CASK: variants seen among roughly 807,000 people sequenced by gnomAD.
CASK encodes calcium/calmodulin dependent serine protein kinase, also known as peripheral plasma membrane protein CASK.
CASK carries 4 observed loss-of-function variants against 82.9 expected under a neutral mutation model. The observed-to-expected ratio is 0.05, with a 90% confidence interval of 0.02 to 0.11. CASK has a LOEUF of 0.11. Ranked by LOEUF, CASK falls within the 10% of genes least tolerant of loss-of-function variation. The pLI, the probability that CASK is intolerant of heterozygous loss-of-function variation, is 1.00. For synonymous variants in CASK, 259 were observed against 253.5 expected (o/e 1.02, Z -0.20); for missense variants, 358 against 720.9 (o/e 0.50, Z 5.76).
Position 41,615,630 on chromosome X carries a change from G to GT in CASK, c.1034-5606dup, listed in dbSNP as rs1380106002. ...AGTTATCTTACTGAAATCTTACTGA[G>GT]TTTTTTTTTTCTTTTTTTTTGAGAC... On this transcript the variant is annotated intron_variant, in intron 11 of 26. Transcript: ENST00000378163. 4.9e-4 allele frequency among the ~76,000 whole-genome samples: 52 copies of GT among 106,922 alleles called. 2 individuals are homozygous for GT. The highest frequency in any genetic ancestry group is 2.6e-3 in the Admixed American group (26 of 9,958). The allele number at this position is 106,922 out of a possible 115,157, so 92.8% of individuals were successfully genotyped here.
At chrX:41,599,940 A>C (rs966946840) in intron 12 of CASK, among the ~76,000 whole-genome samples, 3 of 112,179 alleles carry the variant, frequency 2.7e-5, no homozygotes, top group Non-Finnish European at 3.8e-5. Flanking sequence ...TTAGTATCAG[A>C]TACAAGAGCT....
chrX:41,689,409 T>A (rs948920473), intron 5 of CASK, among the ~76,000 whole-genome samples: 7 of 112,154 alleles, frequency 6.2e-5, no homozygotes, highest in African/African-American at 2.3e-4. Context: ...TAAAAGTTAT[T>A]TTCATATGCA....
intron 5 of CASK, among the ~76,000 whole-genome samples, chrX:41,713,406 T>C (rs986999863): frequency 8.9e-6 from 1 of 112,128 alleles, no homozygotes; most frequent in Non-Finnish European, 1.9e-5. Flanking sequence ...ACTGGACCTG[T>C]TTACCCTGAG....
At chrX:41,772,032 T>G (rs1032196144) in intron 3 of CASK, among the ~76,000 whole-genome samples, 6 of 111,275 alleles carry the variant, frequency 5.4e-5, no homozygotes, top group African/African-American at 2.0e-4. Context: ...TAGAAATTAC[T>G]AAAATAGAAA....
intron 12 of CASK, among the ~76,000 whole-genome samples, chrX:41,604,381 TAC>T (rs2065932129): frequency 9.9e-6 from 1 of 101,255 alleles, no homozygotes; most frequent in Non-Finnish European, 2.0e-5. Flanking sequence ...GCCATGTAAA[TAC>T]ACAGACACAC....
intron 24 of CASK, 56 bp from the exon 25 acceptor site, chrX:41,531,265 A>G (rs2064799719): frequency 1.1e-6 from 1 of 912,854 alleles, no homozygotes; most frequent in African/African-American, 1.9e-5. Flanking sequence ...AGCTTACTAC[A>G]CTCCCAACAG....
chrX:41,696,244 GTTTCCA>G (rs1448790974), intron 5 of CASK: 1 of 1,207,096 alleles, frequency 8.3e-7, no homozygotes, highest in Non-Finnish European at 1.1e-6. Flanking sequence ...TCCACAATGT[GTTTCCA>G]TTACAGAGAT....
chrX:41,727,965 T>A, intron 5 of CASK: 1 of 1,169,885 alleles, frequency 8.5e-7, no homozygotes, highest in Non-Finnish European at 1.2e-6. Flanking sequence ...TTTTATTAGA[T>A]AAAACATTCA....
chrX:41,802,422 C>T (rs765942968), intron 2 of CASK, among the ~76,000 whole-genome samples: 1 of 111,019 alleles, frequency 9.0e-6, no homozygotes, highest in African/African-American at 3.3e-5. Context: ...CCTTATAAGC[C>T]CTTATGTTAT....
intron 5 of CASK, among the ~76,000 whole-genome samples, chrX:41,702,887 T>C (rs934249989): frequency 1.8e-5 from 2 of 112,144 alleles, no homozygotes; most frequent in Admixed American, 9.4e-5. Flanking sequence ...CTCTGAAACA[T>C]GTACGATAAT....
At chrX:41,880,332 T>G (rs1018831243) in intron 1 of CASK, among the ~76,000 whole-genome samples, 1 of 111,544 alleles carries the variant, frequency 9.0e-6, no homozygotes, top group Non-Finnish European at 1.9e-5. Flanking sequence ...TACTTATAAT[T>G]TATATACTCT....
chrX:41,846,183 C>T (rs1348449589), intron 2 of CASK, among the ~76,000 whole-genome samples: 3 of 111,385 alleles, frequency 2.7e-5, no homozygotes, highest in African/African-American at 9.8e-5. Context: ...AAGTGTCCAT[C>T]AACAGATGAA....
At chrX:41,705,063 G>A (rs920442683) in intron 5 of CASK, among the ~76,000 whole-genome samples, 3 of 112,357 alleles carry the variant, frequency 2.7e-5, no homozygotes, top group African/African-American at 9.7e-5. Context: ...GATACATAGT[G>A]GAAGTTGATC....
intron 1 of CASK, among the ~76,000 whole-genome samples, chrX:41,874,071 G>GT (rs1251391420): frequency 9.0e-6 from 1 of 111,533 alleles, no homozygotes; most frequent in Non-Finnish European, 1.9e-5. Flanking sequence ...GATTACAGGC[G>GT]TGAGCCACCA....
chrX:41,550,848 C>T (rs2065087733), intron 21 of CASK, among the ~76,000 whole-genome samples: 2 of 111,420 alleles, frequency 1.8e-5, no homozygotes, highest in African/African-American at 6.5e-5. Flanking sequence ...GAGGTCGAGG[C>T]TGCAGTGAGC....
chrX:41,830,268 G>C (rs1223048295), intron 2 of CASK, among the ~76,000 whole-genome samples: 1 of 110,178 alleles, frequency 9.1e-6, no homozygotes. Context: ...CCAAAGTGTT[G>C]GAATTAAAGA....
intron 15 of CASK, among the ~76,000 whole-genome samples, chrX:41,577,820 G>C (rs1295966721): frequency 9.0e-6 from 1 of 111,658 alleles, no homozygotes; most frequent in Non-Finnish European, 1.9e-5. Flanking sequence ...CCCAAGCACT[G>C]AGTAAATTGA....
chrX:41,891,316 G>A (rs1011959096), intron 1 of CASK, among the ~76,000 whole-genome samples: 2 of 94,856 alleles, frequency 2.1e-5, no homozygotes, highest in African/African-American at 7.8e-5. Flanking sequence ...AACTGCAAAA[G>A]ACTGGGTGGG....
intron 3 of CASK, among the ~76,000 whole-genome samples, chrX:41,782,361 A>C (rs1342897188): frequency 8.9e-6 from 1 of 112,180 alleles, no homozygotes; most frequent in Non-Finnish European, 1.9e-5. Context: ...TTGGGTTAAC[A>C]CTGGGATCAG....
Sources: allele counts gnomAD v4.1 joint callset (sites outside exome capture counted in the v4.1 genomes callset), GRCh38; gene constraint gnomAD v4.1.1; transcripts MANE v1.5; gene names NCBI Gene and HGNC (gene_info 2026-07-23, HGNC 2026-07-21).